The following CELF2 variants were observed in gnomAD, a reference collection of about 807,000 sequenced individuals.
CELF2 encodes the protein CUG triplet repeat RNA-binding protein 2.
Under a neutral mutation model 62.6 loss-of-function variants are expected in CELF2, and 8 were observed. The ratio of observed to expected loss-of-function variants is 0.13; its 90% CI spans 0.07 to 0.23. CELF2 has a LOEUF of 0.23. Among genes scored for constraint, CELF2 ranks in the 10% least tolerant of loss-of-function variants. The pLI, the probability that CELF2 is intolerant of heterozygous loss-of-function variation, is 1.00. For missense variants in CELF2, 333 were observed against 671.0 expected, an observed-to-expected ratio of 0.50 and a Z score of 5.56; for synonymous variants, 258 against 250.0, an observed-to-expected ratio of 1.03 and a Z score of -0.30.
intron 2 of CELF2, among the ~76,000 whole-genome samples, chr10:10,959,136 G>A (rs963488786): frequency 3.9e-5 from 6 of 151,976 alleles, no homozygotes; most frequent in African/African-American, 7.3e-5. Flanking sequence ...TAGCTACCAC[G>A]CTACCAAGCA....
At position 11,319,684 on chromosome 10, in the gene CELF2, C is replaced by A. The variant is rs570915183; in HGVS notation, c.1097-1505C>A. 2.3e-6 allele frequency: 1 copy of A among 432,704 alleles called. No homozygotes were observed. The highest frequency in any genetic ancestry group is 1.8e-5 in the South Asian group (1 of 56,212). 26.8% of individuals were successfully genotyped at this position (432,704 alleles called of 1,614,324 possible). On this transcript the variant is annotated intron_variant, in intron 10 of 12. Transcript: ENST00000633077. This position sits in a 1 kb window ranked among gnomAD's most constrained non-coding sequence, Gnocchi z 4.4. Reference sequence around the variant, plus strand: ...CCACTCCATTCTCACGCCATTCACACTCGTCTCGCCACCCCTGCTTGGTGT... The same window carrying A: ...CCACTCCATTCTCACGCCATTCACAATCGTCTCGCCACCCCTGCTTGGTGT...
intron 12 of CELF2, among the ~76,000 whole-genome samples, chr10:11,327,298 A>G (rs2095801218): frequency 1.3e-5 from 2 of 152,206 alleles, no homozygotes; most frequent in Admixed American, 6.5e-5. Context: ...TAGCTAAACA[A>G]TATTCTAGAT....
Position 11,237,322 on chromosome 10 carries a change from G to A in CELF2, c.355-11831G>A, listed in dbSNP as rs1273930752. On this transcript the variant is annotated intron_variant, in intron 3 of 12. Transcript: ENST00000633077. The surrounding 1 kb of genome is among the most constrained non-coding windows in gnomAD (Gnocchi z 4.0). ...GCTGGAAGAGCTGCCCCCATCCCGG[G>A]GTTGATGTCCCCATAAGCCGTGGTC... Among the ~76,000 whole-genome samples the A allele has an allele frequency of 6.6e-6, 1 of 152,200 alleles. No homozygotes were observed. The highest frequency in any genetic ancestry group is 2.4e-5 in the African/African-American group (1 of 41,440).
At chr10:11,048,189 T>C (rs1409335553) in intron 1 of CELF2, among the ~76,000 whole-genome samples, 3 of 152,240 alleles carry the variant, frequency 2.0e-5, no homozygotes, top group Non-Finnish European at 2.9e-5. Context: ...TAGTTTGAAC[T>C]GTGGAGGTTA....
At position 11,237,711 on chromosome 10, in the gene CELF2, CAGTG is replaced by C. The variant is rs1249179842; in HGVS notation, c.355-11439_355-11436del. Among the ~76,000 whole-genome samples, 1 of 151,816 alleles carries C rather than the reference CAGTG, an allele frequency of 6.6e-6. No homozygotes were observed. The highest frequency in any genetic ancestry group is 1.5e-5 in the Non-Finnish European group (1 of 67,980). On this transcript the variant is annotated intron_variant, in intron 3 of 12. Coordinates refer to ENST00000633077, the MANE Select transcript of CELF2 (RefSeq NM_001326342.2). This position sits in a 1 kb window ranked among gnomAD's most constrained non-coding sequence, Gnocchi z 4.0. ...TCCCAAGATGTCGAGAACTGAGTCACAGTGAGCCCCACCTGACAACAGCTGGCAC... is the reference window on the plus strand; with the variant it reads ...TCCCAAGATGTCGAGAACTGAGTCACAGCCCCACCTGACAACAGCTGGCAC...
At chr10:10,861,943 A>T (rs576559547) in intron 1 of CELF2, among the ~76,000 whole-genome samples, 2 of 152,220 alleles carry the variant, frequency 1.3e-5, no homozygotes, top group South Asian at 4.1e-4. Context: ...GAGTCAACCT[A>T]TTTTCTTTTT....
chr10:10,696,420 G>A, the CELF2 span, among the ~76,000 whole-genome samples: 1 of 151,820 alleles, frequency 6.6e-6, no homozygotes, highest in South Asian at 2.1e-4. Context: ...GTCAGACAGG[G>A]ACATTTAAGT....
chr10:11,146,322 A>G (rs1009633599), intron 1 of CELF2, among the ~76,000 whole-genome samples: 9 of 152,344 alleles, frequency 5.9e-5, no homozygotes, highest in South Asian at 2.1e-4. Context: ...TAATTAATCG[A>G]GCTTTCTACC....
chr10:10,859,074 G>A (rs2059914225), intron 1 of CELF2, among the ~76,000 whole-genome samples: 1 of 152,086 alleles, frequency 6.6e-6, no homozygotes, highest in Admixed American at 6.6e-5. Flanking sequence ...GCTACTGTAA[G>A]AACTAAACTT....
intron 1 of CELF2, among the ~76,000 whole-genome samples, chr10:11,007,370 A>G (rs914931689): frequency 9.2e-5 from 14 of 152,310 alleles, no homozygotes; most frequent in Admixed American, 2.6e-4. Flanking sequence ...AGTTTTTTTC[A>G]ATTTAAGTTG....
chr10:10,519,222 C>T, the CELF2 span, among the ~76,000 whole-genome samples: 6 of 152,166 alleles, frequency 3.9e-5, no homozygotes, highest in East Asian at 1.9e-4. Flanking sequence ...GAAGCAGAGT[C>T]GAGGCTGATC....
At position 11,285,141 on chromosome 10, in the gene CELF2, TTGGATGGA is replaced by T. The variant is rs2090788177; in HGVS notation, c.842-3269_842-3262del. 1.3e-5 allele frequency among the ~76,000 whole-genome samples: 2 copies of T among 150,808 alleles called. No homozygotes were observed. The highest frequency in any genetic ancestry group is 4.9e-5 in the African/African-American group (2 of 40,862). On this transcript the variant is annotated intron_variant, in intron 8 of 12. Coordinates refer to ENST00000633077, the MANE Select transcript of CELF2 (RefSeq NM_001326342.2). The surrounding 1 kb of genome is among the most constrained non-coding windows in gnomAD (Gnocchi z 4.3). ...GGATGATGGATATATGGATGGATGGTTGGATGGATGGATGGGCAGATAGATGGACGAGC... is the reference window on the plus strand; with the variant it reads ...GGATGATGGATATATGGATGGATGGTTGGATGGGCAGATAGATGGACGAGC...
the CELF2 span, among the ~76,000 whole-genome samples, chr10:10,567,550 A>G: frequency 3.5e-4 from 54 of 152,290 alleles, no homozygotes; most frequent in Non-Finnish European, 4.9e-4. Flanking sequence ...GCAGGCTACT[A>G]GGAACTCTTA....
intron 1 of CELF2, among the ~76,000 whole-genome samples, chr10:10,838,604 C>G (rs1392981204): frequency 3.3e-5 from 5 of 152,090 alleles, no homozygotes; most frequent in African/African-American, 1.2e-4. Flanking sequence ...TAATTTCATA[C>G]TTTGGATTGT....
chr10:10,663,709 T>C, the CELF2 span, among the ~76,000 whole-genome samples: 2 of 152,342 alleles, frequency 1.3e-5, no homozygotes, highest in African/African-American at 4.8e-5. Context: ...TTGTTTATAG[T>C]TATTTATCAG....
the CELF2 span, among the ~76,000 whole-genome samples, chr10:10,553,844 A>G: frequency 2.0e-5 from 3 of 152,180 alleles, no homozygotes; most frequent in Non-Finnish European, 4.4e-5. Flanking sequence ...GGGAAGCTCA[A>G]TGGTCAGGGT....
At chr10:10,903,909 C>T (rs183044735) in intron 1 of CELF2, among the ~76,000 whole-genome samples, 4 of 152,280 alleles carry the variant, frequency 2.6e-5, no homozygotes, top group East Asian at 1.9e-4. Context: ...ATAGCATAAA[C>T]GACTCACTGA....
chr10:10,920,089 C>G (rs2064745484), intron 2 of CELF2: 11 of 953,780 alleles, frequency 1.2e-5, no homozygotes, highest in Non-Finnish European at 1.5e-5. Flanking sequence ...GAGGTCTTCT[C>G]ATTTTGTCTT....
intron 2 of CELF2, among the ~76,000 whole-genome samples, chr10:11,200,954 C>T: frequency 6.6e-6 from 1 of 152,204 alleles, no homozygotes; most frequent in East Asian, 1.9e-4. Context: ...ATTCCTCTCT[C>T]AAACGGGTCA....
Sources: allele counts gnomAD v4.1 joint callset (sites outside exome capture counted in the v4.1 genomes callset), GRCh38; gene constraint gnomAD v4.1.1; non-coding constraint Gnocchi (gnomAD v3.1); transcripts MANE v1.5; gene names NCBI Gene and HGNC (gene_info 2026-07-23, HGNC 2026-07-21).